TULP4: variants seen among roughly 807,000 people sequenced by gnomAD.
TULP4 encodes the protein TUB like protein 4.
A neutral mutation model predicts 129.0 loss-of-function variants in TULP4; 16 were observed. The observed-to-expected ratio is 0.12, with a 90% CI of 0.08 to 0.19. The LOEUF (loss-of-function observed/expected upper bound fraction) is 0.19, where lower values mean the gene tolerates loss of function less well. TULP4 is among the 10% of genes least tolerant of loss of function. The pLI is 1.00. For missense variants in TULP4, 1,842 were observed against 2,059.1 expected (o/e 0.89, Z 2.04); for synonymous variants, 998 against 854.0 (o/e 1.17, Z -2.94).
chr6:158,503,584 G>T lies in TULP4; in HGVS notation c.3921G>T (p.Val1307=). Residue 1307 remains valine (V), a synonymous_variant, in exon 13 of 14, where the codon GTG becomes GTT. Coordinates refer to ENST00000367097, the MANE Select transcript of TULP4 (RefSeq NM_020245.5). This position sits in a 1 kb window ranked among gnomAD's most constrained non-coding sequence, Gnocchi z 4.3. ...ADLQSHLGTE[V]MVETADNFQE... ...TCCAAAGCCACTTGGGCACAGAGGT[G>T]ATGGTAGAGACTGCAGACAACTTCC... The T allele has an allele frequency of 6.2e-7, 1 of 1,614,030 alleles. No individual in the cohort carries two copies. The highest frequency in any genetic ancestry group is 1.1e-5 in the South Asian group (1 of 91,080).
chr6:158,420,545 C>T (rs1426517943), intron 2 of TULP4, among the ~76,000 whole-genome samples: 13 of 152,096 alleles, frequency 8.5e-5, no homozygotes, highest in Admixed American at 8.5e-4. Context: ...GCAATGGCGC[C>T]ATCTCGGCTC....
intron 6 of TULP4, among the ~76,000 whole-genome samples, chr6:158,471,287 C>A (rs1005698586): frequency 2.6e-5 from 4 of 152,222 alleles, no homozygotes; most frequent in African/African-American, 9.6e-5. Context: ...ACTTGCCATT[C>A]CGGATAATAA....
At chr6:158,251,170 C>T (rs1470054263) in intron 1 of TULP4, among the ~76,000 whole-genome samples, 1 of 152,162 alleles carries the variant, frequency 6.6e-6, no homozygotes, top group African/African-American at 2.4e-5. Flanking sequence ...TAAGTACTGT[C>T]TGTTACCACA....
At chr6:158,461,003 T>A (rs1779409537) in intron 5 of TULP4, among the ~76,000 whole-genome samples, 1 of 152,204 alleles carries the variant, frequency 6.6e-6, no homozygotes, top group Non-Finnish European at 1.5e-5. Flanking sequence ...AGATCATGAT[T>A]TCTACCTAAT....
At chr6:158,470,512 G>C (rs747591493) in intron 6 of TULP4, among the ~76,000 whole-genome samples, 1 of 152,170 alleles carries the variant, frequency 6.6e-6, no homozygotes, top group Non-Finnish European at 1.5e-5. Flanking sequence ...GCATTTTAAT[G>C]AGCTCTCTAA....
chr6:158,287,344 G>A (rs951864530), intron 1 of TULP4, among the ~76,000 whole-genome samples: 2 of 152,198 alleles, frequency 1.3e-5, no homozygotes, highest in African/African-American at 4.8e-5. Flanking sequence ...GACATCATTG[G>A]AAAAGTATTT....
chr6:158,400,167 T>G (rs1402745142), intron 1 of TULP4, among the ~76,000 whole-genome samples: 2 of 152,234 alleles, frequency 1.3e-5, no homozygotes, highest in Non-Finnish European at 2.9e-5. Context: ...AAAAAACATT[T>G]TCTGTAAATT....
chr6:158,311,586 C>T (rs1306817682), upstream of TULP4, among the ~76,000 whole-genome samples: 1 of 152,084 alleles, frequency 6.6e-6, no homozygotes, highest in Non-Finnish European at 1.5e-5. Context: ...TTTTAAAGGC[C>T]CTTACTGCTT....
At chr6:158,412,360 T>A (rs892063320) in intron 1 of TULP4, among the ~76,000 whole-genome samples, 3 of 152,210 alleles carry the variant, frequency 2.0e-5, no homozygotes, top group Admixed American at 6.5e-5. Flanking sequence ...CTGGGCCCTG[T>A]GAGGCTTCCC....
intron 1 of TULP4, among the ~76,000 whole-genome samples, chr6:158,285,760 A>G (rs888802531): frequency 5.3e-5 from 8 of 152,164 alleles, no homozygotes; most frequent in African/African-American, 9.7e-5. Context: ...TAGATGGACA[A>G]TGTGGGTGTG....
At chr6:158,315,534 C>T (rs1297639017) in intron 1 of TULP4, among the ~76,000 whole-genome samples, 1 of 152,170 alleles carries the variant, frequency 6.6e-6, no homozygotes, top group African/African-American at 2.4e-5. Flanking sequence ...TATATGCAGT[C>T]ACCCATGTAA....
intron 1 of TULP4, among the ~76,000 whole-genome samples, chr6:158,286,336 G>T (rs1778835689): frequency 6.6e-6 from 1 of 152,210 alleles, no homozygotes; most frequent in African/African-American, 2.4e-5. Context: ...GAATGTGGTG[G>T]TAGAAGTAAT....
In TULP4 at chr6:158,341,838, A is replaced by C. The variant is rs144078679; in HGVS notation, c.252+27570A>C. On this transcript the variant is annotated intron_variant, in intron 1 of 13. Transcript: ENST00000367097. ...TCCCTTGTCAGATGGGTGGTTTGCA[A>C]ATACTTTCTCCCATTCTGTGAGTTG... Among the ~76,000 whole-genome samples, 801 of 152,194 alleles carry C rather than the reference A, an allele frequency of 5.3e-3. 8 individuals carry two copies. The highest frequency in any genetic ancestry group is 0.018 in the African/African-American group (751 of 41,508).
chr6:158,445,016 G>C (rs932822452), intron 3 of TULP4, among the ~76,000 whole-genome samples: 1 of 152,088 alleles, frequency 6.6e-6, no homozygotes, highest in African/African-American at 2.4e-5. Context: ...GTCTCACCTT[G>C]TTGACCAGGC....
chr6:158,453,485 C>CA (rs869146924), intron 5 of TULP4, among the ~76,000 whole-genome samples: 1,079 of 17,964 alleles, frequency 0.06, 131 homozygotes, highest in African/African-American at 0.09. Flanking sequence ...CTCTGTCTCA[C>CA]AAAAAAAAAA....
chr6:158,258,902 G>GAT (rs1778298421), intron 1 of TULP4, among the ~76,000 whole-genome samples: 1 of 152,128 alleles, frequency 6.6e-6, no homozygotes, highest in African/African-American at 2.4e-5. Context: ...CTTGACATGG[G>GAT]ATATATATAC....
At chr6:158,485,247 TAAA>T in intron 8 of TULP4, among the ~76,000 whole-genome samples, 1 of 152,316 alleles carries the variant, frequency 6.6e-6, no homozygotes, top group South Asian at 2.1e-4. Context: ...TGGCTTATAG[TAAA>T]ATGCAAAAGG....
At chr6:158,242,069 G>T (rs262820) in intron 1 of TULP4, 371,874 of 785,888 alleles carry the variant, frequency 0.47, 89,876 homozygotes, top group Admixed American at 0.54. Context: ...TTTAGTAGTA[G>T]TATTTGATTG....
Position 158,508,665 on chromosome 6 carries a change from A to AG in TULP4, c.*1972dup, listed in dbSNP as rs1253282405. On this transcript the variant is annotated 3_prime_UTR_variant, in exon 14 of 14. Transcript: ENST00000367097. ...TTATTGGTTGTGCAATAATGGTTAT[A>AG]GCCTGTTAGATAATCTAAATGCAAT... The AG allele has an allele frequency of 6.6e-6, 1 of 152,628 alleles. No homozygotes were observed. The highest frequency in any genetic ancestry group is 1.5e-5 in the Non-Finnish European group (1 of 68,046). 9.5% of individuals were successfully genotyped at this position (152,628 alleles called of 1,614,324 possible).
Sources: allele counts gnomAD v4.1 joint callset (sites outside exome capture counted in the v4.1 genomes callset), GRCh38; gene constraint gnomAD v4.1.1; non-coding constraint Gnocchi (gnomAD v3.1); transcripts MANE v1.5; gene names NCBI Gene and HGNC (gene_info 2026-07-23, HGNC 2026-07-21).